Variants in LRRTM4 observed in about 807,000 individuals in gnomAD.
LRRTM4 encodes the protein leucine-rich repeat transmembrane neuronal protein 4.
Under a neutral mutation model 47.6 loss-of-function variants are expected in LRRTM4, and 25 were observed. The observed-to-expected ratio is 0.53, with a 90% confidence interval of 0.38 to 0.73. The LOEUF (loss-of-function observed/expected upper bound fraction) is 0.73, where lower values mean the gene tolerates loss of function less well. Among genes scored for constraint, LRRTM4 ranks in the 30% least tolerant of loss-of-function variants. The pLI is 0.00. For missense variants in LRRTM4, 638 were observed against 713.4 expected (o/e 0.89, Z 1.20); for synonymous variants, 311 against 269.5 (o/e 1.15, Z -1.51).
intron 3 of LRRTM4, among the ~76,000 whole-genome samples, chr2:76,758,663 G>A (rs1003057378): frequency 6.6e-6 from 1 of 152,132 alleles, no homozygotes; most frequent in Non-Finnish European, 1.5e-5. Flanking sequence ...AATGTGTAAA[G>A]GTCTAGGTTA....
intron 3 of LRRTM4, among the ~76,000 whole-genome samples, chr2:77,192,146 C>T (rs746618744): frequency 6.6e-6 from 1 of 151,950 alleles, no homozygotes; most frequent in Non-Finnish European, 1.5e-5. Flanking sequence ...TCGTGGGTTG[C>T]CATGCTTGTG....
At chr2:77,048,514 A>G (rs1199816150) in intron 3 of LRRTM4, among the ~76,000 whole-genome samples, 2 of 152,066 alleles carry the variant, frequency 1.3e-5, no homozygotes, top group African/African-American at 4.8e-5. Flanking sequence ...ATATGATTAA[A>G]ACCATGCTGG....
intron 3 of LRRTM4, among the ~76,000 whole-genome samples, chr2:76,969,933 T>C (rs1676161196): frequency 6.6e-6 from 1 of 152,002 alleles, no homozygotes; most frequent in Admixed American, 6.6e-5. Context: ...CTGTGTCTTC[T>C]TCAGAATATA....
chr2:77,318,907 T>C (rs541595272), intron 3 of LRRTM4, among the ~76,000 whole-genome samples: 1 of 152,208 alleles, frequency 6.6e-6, no homozygotes, highest in Admixed American at 6.5e-5. Context: ...CTTGAAACAA[T>C]GTTTCAAGAT....
At chr2:77,351,041 A>G (rs903872433) in intron 3 of LRRTM4, among the ~76,000 whole-genome samples, 2 of 152,270 alleles carry the variant, frequency 1.3e-5, no homozygotes, top group Admixed American at 6.5e-5. Context: ...AGTACCCATT[A>G]GTTACTTTCC....
intron 3 of LRRTM4, among the ~76,000 whole-genome samples, chr2:76,805,898 G>A (rs1377722852): frequency 6.6e-6 from 1 of 151,990 alleles, no homozygotes; most frequent in Non-Finnish European, 1.5e-5. Flanking sequence ...TTTCCCTTAG[G>A]CACAAGCTCT....
intron 3 of LRRTM4, among the ~76,000 whole-genome samples, chr2:77,120,206 A>T (rs1409667273): frequency 6.6e-6 from 1 of 151,750 alleles, no homozygotes; most frequent in Non-Finnish European, 1.5e-5. Context: ...TGTGCTTAGA[A>T]CTCATCAGTA....
intron 3 of LRRTM4, among the ~76,000 whole-genome samples, chr2:77,376,445 C>T (rs1226659621): frequency 6.7e-6 from 1 of 150,118 alleles, no homozygotes; most frequent in Non-Finnish European, 1.5e-5. Context: ...TTTTTCAGTC[C>T]CCATCCCCAA....
chr2:76,941,592 G>C (rs1675144792), intron 3 of LRRTM4, among the ~76,000 whole-genome samples: 1 of 151,400 alleles, frequency 6.6e-6, no homozygotes, highest in Non-Finnish European at 1.5e-5. Context: ...GTTTTAGTTT[G>C]TTAAAAATAA....
intron 3 of LRRTM4, among the ~76,000 whole-genome samples, chr2:77,170,391 A>C (rs753549722): frequency 6.6e-6 from 1 of 152,122 alleles, no homozygotes; most frequent in African/African-American, 2.4e-5. Flanking sequence ...CTACAACCAT[A>C]AGGAACTAGA....
At chr2:76,873,520 A>ATATATATATATATATATATATATG (rs1672696280) in intron 3 of LRRTM4, among the ~76,000 whole-genome samples, 1 of 143,568 alleles carries the variant, frequency 7.0e-6, no homozygotes, top group Non-Finnish European at 1.5e-5. Flanking sequence ...ATATATATAT[A>ATATATATATATATATATATATATG]TATATATATA....
At chr2:76,807,435 TAC>T (rs1670536546) in intron 3 of LRRTM4, among the ~76,000 whole-genome samples, 1 of 64,940 alleles carries the variant, frequency 1.5e-5, no homozygotes, top group Admixed American at 2.0e-4. Context: ...CATATATATA[TAC>T]GTATATACAT....
At chr2:77,213,183 A>C (rs1226667433) in intron 3 of LRRTM4, among the ~76,000 whole-genome samples, 1 of 152,130 alleles carries the variant, frequency 6.6e-6, no homozygotes, top group East Asian at 1.9e-4. Context: ...CTTACATATA[A>C]TTTTCATTTT....
At chr2:77,060,617 G>T (rs1158414013) in intron 3 of LRRTM4, among the ~76,000 whole-genome samples, 1 of 152,094 alleles carries the variant, frequency 6.6e-6, no homozygotes, top group Admixed American at 6.5e-5. Flanking sequence ...AATATAGTGT[G>T]CAATATTAAG....
At chr2:77,032,551 AATAATTGAATAG>A (rs1305092477) in intron 3 of LRRTM4, among the ~76,000 whole-genome samples, 22 of 152,244 alleles carry the variant, frequency 1.4e-4, no homozygotes, top group Admixed American at 6.5e-4. Flanking sequence ...TAATTGAATA[AATAATTGAATAG>A]ATGAAAAAAA....
At chr2:77,112,810 T>C (rs1671285532) in intron 3 of LRRTM4, among the ~76,000 whole-genome samples, 1 of 152,156 alleles carries the variant, frequency 6.6e-6, no homozygotes, top group Non-Finnish European at 1.5e-5. Flanking sequence ...TCTGATCCAA[T>C]GTCTTCACAA....
intron 3 of LRRTM4, among the ~76,000 whole-genome samples, chr2:77,421,299 G>C (rs1674871729): frequency 6.6e-6 from 1 of 152,148 alleles, no homozygotes; most frequent in Non-Finnish European, 1.5e-5. Context: ...CAAATCTTAA[G>C]ATAACCCAGT....
chr2:76,801,982 AAG>A (rs1675716042), intron 3 of LRRTM4, among the ~76,000 whole-genome samples: 1 of 152,140 alleles, frequency 6.6e-6, no homozygotes, highest in Non-Finnish European at 1.5e-5. Context: ...AAACAGAATA[AAG>A]GCAGTATATG....
At chr2:76,912,159 T>TC (rs1038812190) in intron 3 of LRRTM4, among the ~76,000 whole-genome samples, 3 of 151,960 alleles carry the variant, frequency 2.0e-5, no homozygotes, top group Admixed American at 1.3e-4. Context: ...GACCTTGTGA[T>TC]CCCCCCGCCT....
Sources: allele counts gnomAD v4.1 joint callset (sites outside exome capture counted in the v4.1 genomes callset), GRCh38; gene constraint gnomAD v4.1.1; transcripts MANE v1.5; gene names NCBI Gene and HGNC (gene_info 2026-07-23, HGNC 2026-07-21).